Variants in NTNG1 observed in about 807,000 individuals in gnomAD.
NTNG1 encodes netrin G1.
In NTNG1, 16 loss-of-function variants were observed where a neutral mutation model predicts 54.0. The observed-to-expected ratio is 0.30, with a 90% confidence interval of 0.20 to 0.45. The LOEUF is 0.45. NTNG1 is among the 20% of genes least tolerant of loss of function. NTNG1 has a pLI of 1.00. For missense variants in NTNG1, 530 were observed against 678.7 expected, an observed-to-expected ratio of 0.78 and a Z score of 2.43; for synonymous variants, 255 against 263.1, an observed-to-expected ratio of 0.97 and a Z score of 0.30.
chr1:107,313,759 T>G (rs2101844434), intron 2 of NTNG1, among the ~76,000 whole-genome samples: 1 of 152,284 alleles, frequency 6.6e-6, no homozygotes, highest in Non-Finnish European at 1.5e-5. Flanking sequence ...ATCCCTCCTG[T>G]TGATGTTTTC....
Position 107,484,085 on chromosome 1 carries a change from T to C in NTNG1, c.*3245T>C, listed in dbSNP as rs921058740. 6.6e-6 allele frequency among the ~76,000 whole-genome samples: 1 copy of C among 151,844 alleles called. No individual in the cohort carries two copies. ...GCCAAATGTAGGCCCCCTCTGGGGG[T>C]TTAAACTCCTGGAGGCAAGCAACAT... On this transcript the variant is annotated 3_prime_UTR_variant, in exon 8 of 8. Transcript: ENST00000370068.
At chr1:107,325,292 C>T (rs1419639616) in intron 3 of NTNG1, among the ~76,000 whole-genome samples, 1 of 151,938 alleles carries the variant, frequency 6.6e-6, no homozygotes. Flanking sequence ...TTTACAAATG[C>T]AAAGCAGGGA....
intron 2 of NTNG1, among the ~76,000 whole-genome samples, chr1:107,289,308 T>C (rs1280237754): frequency 6.6e-6 from 1 of 152,180 alleles, no homozygotes; most frequent in African/African-American, 2.4e-5. Context: ...CAGCTTCAAT[T>C]TGATGTCTTC....
intron 2 of NTNG1, among the ~76,000 whole-genome samples, chr1:107,300,614 A>G (rs1027839330): frequency 1.3e-5 from 2 of 152,226 alleles, no homozygotes; most frequent in African/African-American, 4.8e-5. Flanking sequence ...AGTTAGAAGG[A>G]GCAGTGAGAT....
At chr1:107,469,664 G>A (rs1389453683) in intron 7 of NTNG1, among the ~76,000 whole-genome samples, 2 of 151,892 alleles carry the variant, frequency 1.3e-5, no homozygotes, top group Non-Finnish European at 2.9e-5. Flanking sequence ...CGACCATGTT[G>A]GCTGGTCTTG....
chr1:107,341,190 A>C (rs1668875731), intron 3 of NTNG1, among the ~76,000 whole-genome samples: 1 of 152,082 alleles, frequency 6.6e-6, no homozygotes, highest in South Asian at 2.1e-4. Context: ...TCACAACAAT[A>C]TATTGGCCCT....
intron 3 of NTNG1, among the ~76,000 whole-genome samples, chr1:107,344,402 G>A (rs545416339): frequency 2.0e-5 from 3 of 152,064 alleles, no homozygotes; most frequent in Non-Finnish European, 2.9e-5. Flanking sequence ...AGGGAGACAC[G>A]AAGAGCCAAC....
chr1:107,432,473 A>T (rs1164040525), intron 6 of NTNG1, among the ~76,000 whole-genome samples: 1 of 152,226 alleles, frequency 6.6e-6, no homozygotes, highest in Non-Finnish European at 1.5e-5. Flanking sequence ...GTTTTGGATG[A>T]CAGCAGCAAT....
At chr1:107,339,120 A>C (rs942534182) in intron 3 of NTNG1, among the ~76,000 whole-genome samples, 2 of 151,938 alleles carry the variant, frequency 1.3e-5, no homozygotes, top group Non-Finnish European at 1.5e-5. Context: ...CTGATTATGG[A>C]TGGAGGAATA....
At chr1:107,467,623 T>C (rs1014741702) in intron 7 of NTNG1, among the ~76,000 whole-genome samples, 7 of 152,166 alleles carry the variant, frequency 4.6e-5, no homozygotes, top group African/African-American at 1.7e-4. Context: ...CCACAGTAAA[T>C]GATCAAGTAC....
At chr1:107,147,058 G>T (rs904841080) in intron 1 of NTNG1, among the ~76,000 whole-genome samples, 4 of 151,924 alleles carry the variant, frequency 2.6e-5, no homozygotes, top group Non-Finnish European at 5.9e-5. Flanking sequence ...TTAATACCTG[G>T]TTTCCAAATG....
intron 6 of NTNG1, among the ~76,000 whole-genome samples, chr1:107,433,138 T>G (rs1216592707): frequency 6.6e-6 from 1 of 152,236 alleles, no homozygotes; most frequent in Non-Finnish European, 1.5e-5. Flanking sequence ...TATAAACTTT[T>G]GGAAAATTCC....
chr1:107,295,679 G>A (rs1665899693), intron 2 of NTNG1, among the ~76,000 whole-genome samples: 1 of 151,810 alleles, frequency 6.6e-6, no homozygotes, highest in African/African-American at 2.4e-5. Context: ...GATATAGTAG[G>A]CATTTAATAA....
intron 2 of NTNG1, among the ~76,000 whole-genome samples, chr1:107,189,834 G>C (rs546042580): frequency 2.7e-5 from 4 of 146,090 alleles, no homozygotes; most frequent in Non-Finnish European, 4.4e-5. Context: ...AAAAAAAAAG[G>C]GGGGGGCCTT....
intron 3 of NTNG1, among the ~76,000 whole-genome samples, chr1:107,368,730 C>T (rs1449742466): frequency 6.6e-6 from 1 of 152,168 alleles, no homozygotes; most frequent in African/African-American, 2.4e-5. Flanking sequence ...CAAGGGGACT[C>T]AGTTGTTTAT....
At position 107,249,397 on chromosome 1, in the gene NTNG1, G is replaced by C. The variant is rs1185565423; in HGVS notation, c.247-74885G>C. ...CTCTGGAGGCTGAGGCAGGAGAATT[G>C]CTTGAACCTGGGGTGCGGAGGTTGC... On this transcript the variant is annotated intron_variant, in intron 2 of 7. Coordinates refer to ENST00000370068, the MANE Select transcript of NTNG1 (RefSeq NM_001113226.3). Among the ~76,000 whole-genome samples the C allele has an allele frequency of 2.0e-5, 3 of 150,414 alleles. No homozygotes were observed. In the East Asian group the frequency reaches 5.9e-4, roughly 29 times the overall value.
At chr1:107,322,237 T>C (rs530398246) in intron 2 of NTNG1, among the ~76,000 whole-genome samples, 1 of 152,092 alleles carries the variant, frequency 6.6e-6, no homozygotes, top group Non-Finnish European at 1.5e-5. Flanking sequence ...ACAAATGTTA[T>C]CTTTCAACAC....
intron 2 of NTNG1, among the ~76,000 whole-genome samples, chr1:107,271,079 A>G (rs1664112515): frequency 6.6e-6 from 1 of 152,212 alleles, no homozygotes. Flanking sequence ...ATAGACACAA[A>G]TCTAAAATTA....
intron 7 of NTNG1, among the ~76,000 whole-genome samples, chr1:107,474,765 C>G (rs955944738): frequency 1.3e-5 from 2 of 152,118 alleles, no homozygotes; most frequent in Admixed American, 1.3e-4. Context: ...TCAGCCCACC[C>G]CATGATAACA....
Sources: allele counts gnomAD v4.1 joint callset (sites outside exome capture counted in the v4.1 genomes callset), GRCh38; gene constraint gnomAD v4.1.1; transcripts MANE v1.5; gene names NCBI Gene and HGNC (gene_info 2026-07-23, HGNC 2026-07-21).